ARB2A: variants seen among roughly 807,000 people sequenced by gnomAD.
ARB2A encodes the protein cotranscriptional regulator ARB2A.
the ARB2A span, among the ~76,000 whole-genome samples, chr5:93,933,042 T>C: frequency 6.6e-6 from 1 of 152,044 alleles, no homozygotes; most frequent in African/African-American, 2.4e-5. Context: ...ACAACAAACA[T>C]ATGACAAAAA....
the ARB2A span, among the ~76,000 whole-genome samples, chr5:93,999,017 T>C: frequency 6.6e-6 from 1 of 152,104 alleles, no homozygotes; most frequent in Non-Finnish European, 1.5e-5. Flanking sequence ...CTAAGCATTA[T>C]TCATATTATT....
At chr5:93,954,010 C>T in the ARB2A span, among the ~76,000 whole-genome samples, 1 of 152,124 alleles carries the variant, frequency 6.6e-6, no homozygotes, top group Admixed American at 6.5e-5. Flanking sequence ...CTAGGACTCT[C>T]CTGTAAGGGC....
chr5:93,784,543 T>C, the ARB2A span: 4 of 1,461,178 alleles, frequency 2.7e-6, no homozygotes, highest in Non-Finnish European at 3.8e-6. Context: ...TAATTGTTTT[T>C]CCTACTGGGT....
At chr5:93,985,624 C>T in the ARB2A span, among the ~76,000 whole-genome samples, 3 of 152,160 alleles carry the variant, frequency 2.0e-5, no homozygotes, top group Non-Finnish European at 4.4e-5. Context: ...GGGGTTTCGC[C>T]CTGTTGGCCG....
At chr5:93,805,722 G>T in the ARB2A span, 1 of 985,140 alleles carries the variant, frequency 1.0e-6, no homozygotes, top group Non-Finnish European at 1.2e-6. Context: ...AGTCTGTTCA[G>T]CTCAAATGCA....
the ARB2A span, among the ~76,000 whole-genome samples, chr5:93,665,516 C>T: frequency 2.0e-5 from 3 of 152,214 alleles, no homozygotes; most frequent in Admixed American, 1.3e-4. Flanking sequence ...AAGAGATAGA[C>T]CAAAGACAGA....
the ARB2A span, among the ~76,000 whole-genome samples, chr5:93,923,645 A>T: frequency 6.6e-6 from 1 of 152,286 alleles, no homozygotes; most frequent in Admixed American, 6.5e-5. Context: ...CTTCATCTCT[A>T]CTACAAATTA....
At chr5:94,092,170 T>TG in the ARB2A span, among the ~76,000 whole-genome samples, 1 of 133,006 alleles carries the variant, frequency 7.5e-6, no homozygotes, top group Non-Finnish European at 1.6e-5. Flanking sequence ...ACCTTGTCTT[T>TG]CCAAAAAAAA....
the ARB2A span, among the ~76,000 whole-genome samples, chr5:93,748,936 T>A: frequency 1.3e-5 from 2 of 152,174 alleles, no homozygotes; most frequent in African/African-American, 4.8e-5. Context: ...TTTCTATGCC[T>A]GGGCAAAATG....
chr5:93,982,211 T>G, the ARB2A span, among the ~76,000 whole-genome samples: 1 of 152,316 alleles, frequency 6.6e-6, no homozygotes, highest in Middle Eastern at 3.4e-3. Flanking sequence ...AGGTCTCATT[T>G]TTCTGTTTCA....
chr5:94,036,026 A>G, the ARB2A span, among the ~76,000 whole-genome samples: 1 of 152,046 alleles, frequency 6.6e-6, no homozygotes, highest in African/African-American at 2.4e-5. Flanking sequence ...ATTAAAAAAA[A>G]CAGTAAAACC....
At chr5:93,786,633 C>T in the ARB2A span, among the ~76,000 whole-genome samples, 1 of 152,188 alleles carries the variant, frequency 6.6e-6, no homozygotes, top group Non-Finnish European at 1.5e-5. Context: ...AATATGTTAA[C>T]AGTCTAACTT....
At chr5:93,972,341 G>C in the ARB2A span, among the ~76,000 whole-genome samples, 1 of 151,986 alleles carries the variant, frequency 6.6e-6, no homozygotes, top group South Asian at 2.1e-4. Context: ...AACCTATATA[G>C]AGCCTTGGCA....
chr5:94,080,139 A>C, the ARB2A span, among the ~76,000 whole-genome samples: 1 of 152,182 alleles, frequency 6.6e-6, no homozygotes, highest in East Asian at 1.9e-4. Flanking sequence ...AAGATAAAAT[A>C]ATTCTCAAAA....
chr5:93,738,353 T>TA, the ARB2A span: 1 of 152,536 alleles, frequency 6.6e-6, no homozygotes, highest in African/African-American at 2.4e-5. Context: ...GGTGGGAATG[T>TA]AAAATGGTGC....
At chr5:93,926,284 C>G in the ARB2A span, among the ~76,000 whole-genome samples, 2 of 152,020 alleles carry the variant, frequency 1.3e-5, no homozygotes, top group Non-Finnish European at 2.9e-5. Flanking sequence ...CATGTGCCAC[C>G]ATGCCCAGCT....
the ARB2A span, chr5:93,964,365 C>T: frequency 1.1e-6 from 1 of 934,532 alleles, no homozygotes; most frequent in African/African-American, 1.7e-5. Context: ...TCACAGTCAA[C>T]CCAAAACAAA....
the ARB2A span, among the ~76,000 whole-genome samples, chr5:93,830,324 T>C: frequency 7.3e-6 from 1 of 136,604 alleles, no homozygotes; most frequent in African/African-American, 2.8e-5. Flanking sequence ...TATATATATA[T>C]ATATATATAT....
the ARB2A span, among the ~76,000 whole-genome samples, chr5:93,763,303 T>C: frequency 1.3e-5 from 2 of 151,968 alleles, no homozygotes; most frequent in Non-Finnish European, 2.9e-5. Context: ...AGGAAACCCA[T>C]CTCACATGCA....
Sources: gnomAD v4.1 joint callset for allele counts (sites outside exome capture counted in the v4.1 genomes callset) on GRCh38, gnomAD v4.1.1 for gene constraint, MANE v1.5 for transcripts, NCBI Gene and HGNC (gene_info 2026-07-23, HGNC 2026-07-21) for gene names.